The following ATRX variants were observed in gnomAD, a reference collection of about 807,000 sequenced individuals.
The protein encoded by ATRX is ATRX chromatin remodeler.
ATRX carries 12 observed loss-of-function variants against 172.6 expected under a neutral mutation model. That is an observed-to-expected ratio of 0.07 (90% confidence interval 0.04 to 0.11). The LOEUF is 0.11. Ranked by LOEUF, ATRX falls within the 10% of genes least tolerant of loss-of-function variation. The pLI, the probability that ATRX is intolerant of heterozygous loss-of-function variation, is 1.00. For synonymous variants in ATRX, 674 were observed against 594.7 expected (o/e 1.13, Z -1.94); for missense variants, 1,368 against 1,767.4 (o/e 0.77, Z 4.05).
At chrX:77,538,592 C>A (rs188730347) in intron 30 of ATRX, among the ~76,000 whole-genome samples, 62 of 111,515 alleles carry the variant, frequency 5.6e-4, no homozygotes, top group African/African-American at 2.0e-3. Context: ...TGTTTAAAAA[C>A]AATGCACTTG....
Position 77,531,858 on chromosome X carries a change from G to C in ATRX, c.6700-8457C>G, listed in dbSNP as rs191518429. On this transcript the variant is annotated intron_variant, in intron 30 of 34. Transcript: ENST00000373344. ...AGTCAAAATATCTTTGTTTGCAGAT[G>C]ACATGTCCCTATAGCTAGAAAACCC... 5.1e-4 allele frequency among the ~76,000 whole-genome samples: 57 copies of C among 111,773 alleles called. No individual in the cohort carries two copies. The South Asian group carries it at 0.012, about 24-fold the overall frequency.
chrX:77,737,431 A>G (rs2074633688), intron 1 of ATRX, among the ~76,000 whole-genome samples: 1 of 59,306 alleles, frequency 1.7e-5, no homozygotes, highest in African/African-American at 9.4e-5. Flanking sequence ...TCCAAAAAAA[A>G]AAAAGGGGGG....
intron 7 of ATRX, 69 bp from the exon 8 acceptor site, chrX:77,685,075 T>C (rs1190269304): frequency 4.5e-5 from 39 of 870,451 alleles, no homozygotes; most frequent in Non-Finnish European, 6.1e-5. Flanking sequence ...ACAAAAACTT[T>C]ATTTTTTTAA....
intron 1 of ATRX, among the ~76,000 whole-genome samples, chrX:77,735,960 T>C (rs1478524755): frequency 9.2e-6 from 1 of 108,436 alleles, no homozygotes; most frequent in Non-Finnish European, 1.9e-5. Context: ...GCTGAGACCG[T>C]GCCATTGCAC....
At chrX:77,527,514 C>G (rs1293747528) in intron 30 of ATRX, among the ~76,000 whole-genome samples, 1 of 112,253 alleles carries the variant, frequency 8.9e-6, no homozygotes, top group African/African-American at 3.2e-5. Context: ...GAACCCATTC[C>G]ACCAGGACCT....
At chrX:77,676,096 CTG>C (rs1409442880) in intron 10 of ATRX, 128 bp downstream of exon 10, 3 of 568,005 alleles carry the variant, frequency 5.3e-6, no homozygotes, top group Non-Finnish European at 8.6e-6. Context: ...TGCAGGAAGA[CTG>C]TGAGCGAGTC....
intron 30 of ATRX, among the ~76,000 whole-genome samples, chrX:77,544,170 C>T (rs1557052177): frequency 9.0e-6 from 1 of 111,036 alleles, no homozygotes; most frequent in African/African-American, 3.3e-5. Flanking sequence ...ATAGATGAGG[C>T]AAATGTGGCA....
At chrX:77,649,598 CAT>C (rs1288574934) in intron 15 of ATRX, among the ~76,000 whole-genome samples, 6 of 111,899 alleles carry the variant, frequency 5.4e-5, no homozygotes, top group Non-Finnish European at 7.5e-5. Flanking sequence ...TGAATTCCCA[CAT>C]GTTGTGGGAC....
At position 77,702,927 on chromosome X, in the gene ATRX, A is replaced by G. The variant is rs150239946; in HGVS notation, c.134-4298T>C. 7.4e-3 allele frequency among the ~76,000 whole-genome samples: 825 copies of G among 111,511 alleles called. 12 individuals carry two copies. The highest frequency in any genetic ancestry group is 0.026 in the African/African-American group (783 of 30,658). ...TGTTTTGTAGAGATGGGTTCTGGCT[A>G]TGTTTCCCAGGCTGGTCTCAAATTC... On this transcript the variant is annotated intron_variant, in intron 2 of 34. Coordinates refer to ENST00000373344, the MANE Select transcript of ATRX (RefSeq NM_000489.6).
intron 22 of ATRX, among the ~76,000 whole-genome samples, chrX:77,601,449 G>T (rs1306828052): frequency 2.7e-4 from 28 of 105,340 alleles, no homozygotes; most frequent in Non-Finnish European, 4.3e-4. Context: ...CAGCACTCCC[G>T]CCTGGATGAA....
chrX:77,748,706 C>T (rs782715533), intron 1 of ATRX, among the ~76,000 whole-genome samples: 1 of 109,128 alleles, frequency 9.2e-6, no homozygotes, highest in East Asian at 2.9e-4. Context: ...CCCGCCTCAG[C>T]CTCCCAAGGA....
chrX:77,650,506 G>C (rs2069158734), intron 15 of ATRX, among the ~76,000 whole-genome samples: 1 of 111,840 alleles, frequency 8.9e-6, no homozygotes, highest in South Asian at 3.7e-4. Context: ...GAGAAACTAG[G>C]TTAAAATTAG....
intron 34 of ATRX, among the ~76,000 whole-genome samples, chrX:77,513,588 A>C (rs1569514089): frequency 9.0e-6 from 1 of 110,900 alleles, no homozygotes; most frequent in Non-Finnish European, 1.9e-5. Context: ...AAGTGGCAAG[A>C]AGCAACTGGC....
At chrX:77,526,721 T>C (rs2063394295) in intron 30 of ATRX, among the ~76,000 whole-genome samples, 1 of 112,807 alleles carries the variant, frequency 8.9e-6, no homozygotes, top group Non-Finnish European at 1.9e-5. Flanking sequence ...TTCAGGCTTA[T>C]ACTATGCCTG....
At chrX:77,701,123 G>C (rs1456710827) in intron 2 of ATRX, among the ~76,000 whole-genome samples, 2 of 112,408 alleles carry the variant, frequency 1.8e-5, no homozygotes, top group Admixed American at 1.9e-4. Flanking sequence ...CTGATAGTGG[G>C]AGATGCTGTG....
rs782553684 is a variant in ATRX, at chrX:77,573,621, A to G, written c.6326+629T>C. 8.4e-3 allele frequency among the ~76,000 whole-genome samples: 938 copies of G among 111,580 alleles called. 4 individuals carry two copies. Among genetic ancestry groups the G allele is most frequent in the Non-Finnish European group, 0.015 (769 of 52,816 alleles). ...AAAATCACAAGAGATGCCACTACAC[A>G]TACATTAGAATGAGTAAAATAATTT... On this transcript the variant is annotated intron_variant, in intron 28 of 34. Transcript: ENST00000373344.
At chrX:77,548,019 T>C (rs2064312203) in intron 30 of ATRX, among the ~76,000 whole-genome samples, 1 of 112,012 alleles carries the variant, frequency 8.9e-6, no homozygotes, top group Non-Finnish European at 1.9e-5. Flanking sequence ...GAACACTTAC[T>C]ATGTGCTAGG....
intron 15 of ATRX, among the ~76,000 whole-genome samples, chrX:77,642,578 C>T (rs1323268509): frequency 9.2e-6 from 1 of 108,195 alleles, no homozygotes; most frequent in East Asian, 2.9e-4. Context: ...TTGCTTGAGC[C>T]CAGGAATTCC....
chrX:77,507,732 C>A lies in ATRX; in HGVS notation c.*619G>T. On this transcript the variant is annotated 3_prime_UTR_variant, in exon 35 of 35. Coordinates refer to ENST00000373344, the MANE Select transcript of ATRX (RefSeq NM_000489.6). ...ATGCTAAGATAACTGCAAGACTTCT[C>A]CAACTTTTAGAGCAGTAGTATTTAA... 1 of 175,782 alleles carries A rather than the reference C, an allele frequency of 5.7e-6. No individual in the cohort carries two copies. 14.5% of individuals were successfully genotyped at this position (175,782 alleles called of 1,213,427 possible). A position where few individuals can be genotyped will look rare whatever the true frequency, so the allele number is the denominator to read the frequency against.
Sources: allele counts gnomAD v4.1 joint callset (sites outside exome capture counted in the v4.1 genomes callset), GRCh38; gene constraint gnomAD v4.1.1; transcripts MANE v1.5; gene names NCBI Gene and HGNC (gene_info 2026-07-23, HGNC 2026-07-21).